Variants in NTRK2 observed in about 807,000 individuals in gnomAD.
NTRK2 encodes the protein neurotrophic receptor tyrosine kinase 2, also known as BDNF/NT-3 growth factors receptor.
Under a neutral mutation model 94.5 loss-of-function variants are expected in NTRK2, and 13 were observed. That is an observed-to-expected ratio of 0.14 (90% confidence interval 0.09 to 0.22). The LOEUF is 0.22. Ranked by LOEUF, NTRK2 falls within the 10% of genes least tolerant of loss-of-function variation. The pLI is 1.00. For synonymous variants in NTRK2, 372 were observed against 407.4 expected (o/e 0.91, Z 1.05); for missense variants, 639 against 1,071.2 (o/e 0.60, Z 5.63).
chr9:84,837,832 G>A (rs1023852473), intron 12 of NTRK2, among the ~76,000 whole-genome samples: 9 of 152,128 alleles, frequency 5.9e-5, no homozygotes, highest in African/African-American at 2.2e-4. Context: ...AAGATGCCAT[G>A]TCATATACCA....
intron 12 of NTRK2, chr9:84,812,538 A>G: frequency 9.6e-7 from 1 of 1,046,600 alleles, no homozygotes; most frequent in Non-Finnish European, 1.2e-6. Flanking sequence ...GATCTTTCCC[A>G]AAGGTGTTGA....
intron 12 of NTRK2, among the ~76,000 whole-genome samples, chr9:84,770,565 T>A (rs1048681339): frequency 1.3e-5 from 2 of 152,206 alleles, no homozygotes; most frequent in African/African-American, 4.8e-5. Flanking sequence ...ACTAAGAAAT[T>A]TAATATGTTA....
Position 85,017,143 on chromosome 9 carries a change from A to G in NTRK2, c.2173-3063A>G, listed in dbSNP as rs140416443. Reference sequence around the variant, plus strand: ...AATGAAGAGTTCAGGAGAGTGACATATGATGATTCTTCTTAATGTCTCCAG... The same window carrying G: ...AATGAAGAGTTCAGGAGAGTGACATGTGATGATTCTTCTTAATGTCTCCAG... On this transcript the variant is annotated intron_variant, in intron 17 of 18. Transcript: ENST00000277120. Among the ~76,000 whole-genome samples, 278 of 152,306 alleles carry G rather than the reference A, an allele frequency of 1.8e-3. 2 individuals are homozygous for G. Among genetic ancestry groups the G allele is most frequent in the African/African-American group, 6.3e-3 (264 of 41,578 alleles).
chr9:84,795,391 TG>T (rs1317231345), intron 12 of NTRK2, among the ~76,000 whole-genome samples: 1 of 152,152 alleles, frequency 6.6e-6, no homozygotes, highest in African/African-American at 2.4e-5. Context: ...GTGCCTCTTT[TG>T]GGGACAGAGG....
chr9:84,899,624 C>A (rs1338528063), intron 14 of NTRK2, among the ~76,000 whole-genome samples: 1 of 152,168 alleles, frequency 6.6e-6, no homozygotes, highest in Admixed American at 6.5e-5. Flanking sequence ...ACCAGCTGAG[C>A]TTAGAGAATA....
At chr9:84,989,891 C>T (rs976472374) in intron 17 of NTRK2, among the ~76,000 whole-genome samples, 18 of 152,032 alleles carry the variant, frequency 1.2e-4, no homozygotes, top group African/African-American at 4.1e-4. Context: ...TTTTTCAAAC[C>T]CAGGCAGTCT....
chr9:84,687,782 G>A (rs1252364935), intron 2 of NTRK2, among the ~76,000 whole-genome samples: 4 of 151,946 alleles, frequency 2.6e-5, no homozygotes, highest in African/African-American at 9.7e-5. Context: ...TTTGTACCTG[G>A]TACTTTCCTG....
chr9:84,962,558 T>C (rs1307505571), intron 17 of NTRK2, among the ~76,000 whole-genome samples: 2 of 152,176 alleles, frequency 1.3e-5, no homozygotes, highest in African/African-American at 4.8e-5. Context: ...GTAGAAGTGC[T>C]ACATTCAGAA....
At chr9:84,779,443 C>A (rs977296065) in intron 12 of NTRK2, among the ~76,000 whole-genome samples, 5 of 152,166 alleles carry the variant, frequency 3.3e-5, no homozygotes, top group African/African-American at 9.7e-5. Flanking sequence ...AGTTTCCAAC[C>A]CCCTCATCTT....
intron 12 of NTRK2, among the ~76,000 whole-genome samples, chr9:84,762,086 A>C (rs2065628905): frequency 6.6e-6 from 1 of 152,186 alleles, no homozygotes; most frequent in Admixed American, 6.5e-5. Flanking sequence ...TCATGTAAGA[A>C]GTCTCTTTGC....
intron 17 of NTRK2, among the ~76,000 whole-genome samples, chr9:84,966,219 C>T (rs1261294383): frequency 6.6e-6 from 1 of 152,138 alleles, no homozygotes; most frequent in Non-Finnish European, 1.5e-5. Flanking sequence ...ATGATCTTAC[C>T]TAGTACTATA....
chr9:84,878,761 G>T lies in NTRK2; in HGVS notation c.1633+11330G>T, dbSNP rs1402993619. ...GGATTTTTAGCATTTCCTTAATTGT[G>T]TGCACAAAGCAAGAATCTCACTCCC... is the stretch of plus-strand genomic sequence containing the variant. On this transcript the variant is annotated intron_variant, in intron 14 of 18. Transcript: ENST00000277120. Among the ~76,000 whole-genome samples, 3 of 151,842 alleles carry T rather than the reference G, an allele frequency of 2.0e-5. No homozygotes were observed. In the East Asian group the frequency reaches 5.8e-4, roughly 29 times the overall value.
intron 12 of NTRK2, among the ~76,000 whole-genome samples, chr9:84,786,232 G>A (rs2068095204): frequency 6.6e-6 from 1 of 152,076 alleles, no homozygotes; most frequent in Non-Finnish European, 1.5e-5. Flanking sequence ...AACAATTATT[G>A]CTATTATTTA....
intron 15 of NTRK2, 112 bp downstream of exon 15, chr9:84,934,404 A>T: frequency 3.6e-6 from 4 of 1,098,796 alleles, no homozygotes; most frequent in Non-Finnish European, 4.1e-6. Flanking sequence ...TGTTCCTGCT[A>T]TGATGGATGT....
At chr9:84,728,697 C>T (rs1483808090) in intron 9 of NTRK2, among the ~76,000 whole-genome samples, 4 of 152,018 alleles carry the variant, frequency 2.6e-5, no homozygotes, top group Admixed American at 6.5e-5. Flanking sequence ...TTATTGGCTC[C>T]GGAGCTGTTT....
rs1588018921 is a variant in NTRK2 at position 84,948,521 on chromosome 9, G to A, written c.1824G>A (p.Leu608=). Residue 608 remains leucine, a synonymous_variant, in exon 16 of 19, where the codon CTG becomes CTA. Coordinates refer to ENST00000277120, the MANE Select transcript of NTRK2 (RefSeq NM_006180.6). Reference sequence around the variant, plus strand: ...ACTTCCACCGTGAGGCCGAGCTCCTGACCAACCTCCAGCATGAGCACATCG... The same window carrying A: ...ACTTCCACCGTGAGGCCGAGCTCCTAACCAACCTCCAGCATGAGCACATCG... ...RKDFHREAEL[L]TNLQHEHIVK... The A allele has an allele frequency of 6.2e-7, 1 of 1,614,086 alleles. No individual in the cohort carries two copies. Among genetic ancestry groups the A allele is most frequent in the African/African-American group, 1.3e-5 (1 of 75,018 alleles).
intron 11 of NTRK2, among the ~76,000 whole-genome samples, chr9:84,747,914 A>G (rs923398434): frequency 1.3e-5 from 2 of 152,196 alleles, no homozygotes; most frequent in African/African-American, 4.8e-5. Flanking sequence ...TAAAATCTGT[A>G]TGAGAGGTGC....
chr9:84,993,242 C>G (rs1829320435), intron 17 of NTRK2, among the ~76,000 whole-genome samples: 1 of 152,124 alleles, frequency 6.6e-6, no homozygotes, highest in Non-Finnish European at 1.5e-5. Flanking sequence ...CGTCAGTGAC[C>G]ACTGCAAAGA....
intron 6 of NTRK2, among the ~76,000 whole-genome samples, chr9:84,713,921 T>G (rs2131872465): frequency 6.6e-6 from 1 of 152,108 alleles, no homozygotes; most frequent in Admixed American, 6.5e-5. Flanking sequence ...TTGTGAGGGA[T>G]ACCTTTTCAA....
Sources: gnomAD v4.1 joint callset for allele counts (sites outside exome capture counted in the v4.1 genomes callset) on GRCh38, gnomAD v4.1.1 for gene constraint, MANE v1.5 for transcripts, NCBI Gene and HGNC (gene_info 2026-07-23, HGNC 2026-07-21) for gene names.